EPHA10: variants seen among roughly 807,000 people sequenced by gnomAD.
EPHA10 encodes EPH receptor A10.
A neutral mutation model predicts 109.7 loss-of-function variants in EPHA10; 120 were observed. That is an observed-to-expected ratio of 1.09 (90% CI 0.94 to 1.27). EPHA10 has a LOEUF of 1.27. Ranked by LOEUF, EPHA10 falls within the 50% of genes most tolerant of loss-of-function variation. EPHA10 has a pLI of 0.00. For synonymous variants in EPHA10, 640 were observed against 618.9 expected (o/e 1.03, Z -0.51); for missense variants, 1,396 against 1,411.1 (o/e 0.99, Z 0.17).
chr1:37,757,376 C>A (rs1170939649), intron 3 of EPHA10, among the ~76,000 whole-genome samples: 18 of 152,178 alleles, frequency 1.2e-4, no homozygotes, highest in Non-Finnish European at 7.3e-5. Flanking sequence ...CAAATCCAAT[C>A]ATTTCCCTTC....
rs1392033712 is a variant in EPHA10 at position 37,720,014 on chromosome 1, C to A, written c.2457G>T (p.Gln819His). Reference sequence around the variant, plus strand: ...CACTGGCAGAGCTGAAGTGGCCAAACTGAAGTGTCTCGGGAGCGGCCCATA... The same window carrying A: ...CACTGGCAGAGCTGAAGTGGCCAAAATGAAGTGTCTCGGGAGCGGCCCATA... ...PALWAAPETL[Q>H]FGHFSSASDV... is the part of the protein sequence containing the mutation. Residue 819 changes from glutamine to histidine, a missense_variant, in exon 14 of 17, where the codon CAG (glutamine) becomes CAT (histidine). Gln to His is a conservative substitution (Grantham distance 24). Coordinates refer to ENST00000373048, the MANE Select transcript of EPHA10 (RefSeq NM_001099439.2). The A allele has an allele frequency of 1.2e-5, 20 of 1,613,894 alleles. No individual in the cohort carries two copies. The highest frequency in any genetic ancestry group is 1.5e-5 in the Non-Finnish European group (18 of 1,180,034).
intron 1 of EPHA10, among the ~76,000 whole-genome samples, chr1:37,763,758 C>T (rs952323857): frequency 2.6e-5 from 4 of 152,080 alleles, no homozygotes; most frequent in East Asian, 1.9e-4. Flanking sequence ...TTTCTGAGGT[C>T]GGTGGTCCCC....
At chr1:37,746,424 C>T (rs573466058) in intron 5 of EPHA10, among the ~76,000 whole-genome samples, 1 of 152,134 alleles carries the variant, frequency 6.6e-6, no homozygotes, top group South Asian at 2.1e-4. Context: ...TATAGAGATA[C>T]CAGTCCTAAT....
chr1:37,741,969 G>A (rs1224776589), intron 5 of EPHA10, among the ~76,000 whole-genome samples: 3 of 152,184 alleles, frequency 2.0e-5, no homozygotes, highest in South Asian at 2.1e-4. Context: ...AGTTCCTTGC[G>A]AATACAGATG....
At chr1:37,726,914 C>T (rs764288378) in intron 8 of EPHA10, among the ~76,000 whole-genome samples, 188 bp downstream of exon 8, 7 of 152,262 alleles carry the variant, frequency 4.6e-5, no homozygotes, top group Non-Finnish European at 8.8e-5. Flanking sequence ...AGCTGCAGTG[C>T]TGGCTGCCAC....
At chr1:37,759,906 G>A (rs780853916) in intron 3 of EPHA10, among the ~76,000 whole-genome samples, 3 of 152,318 alleles carry the variant, frequency 2.0e-5, no homozygotes, top group Non-Finnish European at 1.5e-5. Context: ...GGAGAGCACC[G>A]AGGTGGATCC....
intron 5 of EPHA10, among the ~76,000 whole-genome samples, chr1:37,748,056 T>C (rs745590783): frequency 6.6e-6 from 1 of 152,102 alleles, no homozygotes; most frequent in Non-Finnish European, 1.5e-5. Context: ...GACGTTACAG[T>C]AAAGATTAAA....
Position 37,761,490 on chromosome 1 carries a change from G to A in EPHA10, c.765C>T (p.His255=), listed in dbSNP as rs774606674. The change falls in exon 3 of 17, where the codon CAC becomes CAT. Residue 255 remains histidine (H), a synonymous_variant. Transcript: ENST00000373048. ...CCAGCCACTCGCCGTCGGCGCCGCA[G>A]TGCATGCGTGGGGGGCTGCCAGGCT... ...EGEPGSPPRM[H]CGADGEWLVP... 17 of 1,600,236 alleles carry A rather than the reference G, an allele frequency of 1.1e-5. No individual in the cohort carries two copies. The African/African-American group carries it at 2.3e-4, about 21-fold the overall frequency.
At chr1:37,729,182 C>G (rs1306113301) in intron 7 of EPHA10, among the ~76,000 whole-genome samples, 1 of 152,068 alleles carries the variant, frequency 6.6e-6, no homozygotes, top group Non-Finnish European at 1.5e-5. Flanking sequence ...CCAGCAAGAC[C>G]CTGAGCAGGG....
chr1:37,760,677 T>C (rs1238927641), intron 3 of EPHA10: 1 of 214,478 alleles, frequency 4.7e-6, no homozygotes, highest in Non-Finnish European at 9.4e-6. Flanking sequence ...TGTCATAGAA[T>C]GTGAGTTGGG....
At chr1:37,759,057 T>C (rs1218301067) in intron 3 of EPHA10, among the ~76,000 whole-genome samples, 1 of 152,234 alleles carries the variant, frequency 6.6e-6, no homozygotes, top group East Asian at 1.9e-4. Context: ...GTGCTCTTTC[T>C]CCTGCACTAT....
At chr1:37,745,904 T>A (rs1646233230) in intron 5 of EPHA10, among the ~76,000 whole-genome samples, 1 of 151,900 alleles carries the variant, frequency 6.6e-6, no homozygotes, top group African/African-American at 2.4e-5. Flanking sequence ...CACCTTTGGC[T>A]TTCATAACAA....
Position 37,754,371 on chromosome 1 carries a change from C to A in EPHA10, c.851-1G>T. ...ACCTTGTAAAACCCTGGGGGACAGG[C>A]TGCAGGGCATGGCTGGTGAGAAGAG... On this transcript the variant is annotated splice_acceptor_variant, in intron 3 of 16. Transcript: ENST00000373048. LOFTEE classifies it high-confidence loss of function. This position sits in a 1 kb window ranked among gnomAD's most constrained non-coding sequence, Gnocchi z 4.5. The A allele has an allele frequency of 7.7e-7, 1 of 1,303,730 alleles. No homozygotes were observed. The highest frequency in any genetic ancestry group is 9.8e-7 in the Non-Finnish European group (1 of 1,020,686). The allele number at this position is 1,303,730 out of a possible 1,614,324, so 80.8% of individuals were successfully genotyped here. A position where few individuals can be genotyped will look rare whatever the true frequency, so the allele number is the denominator to read the frequency against.
intron 5 of EPHA10, among the ~76,000 whole-genome samples, chr1:37,750,762 G>C (rs765310818): frequency 2.0e-5 from 3 of 151,778 alleles, no homozygotes; most frequent in African/African-American, 4.8e-5. Flanking sequence ...AAAATTTTTT[G>C]TAGAGACAGG....
intron 1 of EPHA10, among the ~76,000 whole-genome samples, chr1:37,763,214 GGAGGCTCT>G (rs930792809): frequency 2.0e-5 from 3 of 152,110 alleles, no homozygotes; most frequent in African/African-American, 7.2e-5. Context: ...GTTTTCTTTT[GGAGGCTCT>G]GAGGGGAGAA....
chr1:37,719,697 G>GACACAC (rs149811548), intron 14 of EPHA10, 90 bp from the exon 15 acceptor site: 3 of 1,414,814 alleles, frequency 2.1e-6, no homozygotes, highest in Non-Finnish European at 2.9e-6. Context: ...CACAGACACA[G>GACACAC]ACACACACAC....
intron 8 of EPHA10, among the ~76,000 whole-genome samples, chr1:37,726,751 G>A (rs540777591): frequency 6.6e-6 from 1 of 152,356 alleles, no homozygotes; most frequent in South Asian, 2.1e-4. Context: ...AGGGCCTCAA[G>A]AGGCCCGGGG....
intron 3 of EPHA10, chr1:37,761,184 C>A: frequency 6.9e-7 from 1 of 1,456,976 alleles, no homozygotes; most frequent in African/African-American, 1.4e-5. Context: ...TCCCTAATGC[C>A]TCCTTAGCCA....
chr1:37,740,392 A>G (rs1278731529), intron 5 of EPHA10, among the ~76,000 whole-genome samples: 1 of 151,962 alleles, frequency 6.6e-6, no homozygotes, highest in Non-Finnish European at 1.5e-5. Context: ...TGCAAGCTCC[A>G]CTTCCCAGGT....
Sources: gnomAD v4.1 joint callset for allele counts (sites outside exome capture counted in the v4.1 genomes callset) on GRCh38, gnomAD v4.1.1 for gene constraint, Gnocchi (gnomAD v3.1) non-coding constraint, MANE v1.5 for transcripts, NCBI Gene and HGNC (gene_info 2026-07-23, HGNC 2026-07-21) for gene names.